ALMS1: variants seen among roughly 807,000 people sequenced by gnomAD.
ALMS1 encodes ALMS1 centrosome and basal body associated protein.
Under a neutral mutation model 352.2 loss-of-function variants are expected in ALMS1, and 271 were observed. The ratio of observed to expected loss-of-function variants is 0.77; its 90% CI spans 0.70 to 0.85. The LOEUF is 0.85. Among genes scored for constraint, ALMS1 ranks in the 40% least tolerant of loss-of-function variants. The pLI is 0.00. For missense variants in ALMS1, 5,445 were observed against 4,870.7 expected (o/e 1.12, Z -3.51); for synonymous variants, 1,865 against 1,761.2 (o/e 1.06, Z -1.48).
chr2:73,568,995 C>CTTTTTTTTTTTTT lies in ALMS1; in HGVS notation c.10385-3242_10385-3230dup, dbSNP rs747436819. 6.0e-4 allele frequency among the ~76,000 whole-genome samples: 32 copies of CTTTTTTTTTTTTT among 53,560 alleles called. 10 individuals are homozygous for CTTTTTTTTTTTTT. Among genetic ancestry groups the CTTTTTTTTTTTTT allele is most frequent in the Admixed American group, 1.0e-3 (4 of 3,884 alleles). 35.1% of individuals were successfully genotyped at this position (53,560 alleles called of 152,430 possible). A position where few individuals can be genotyped will look rare whatever the true frequency, so the allele number is the denominator to read the frequency against. ...AGCTTGCTTGCTGCTGCTTCTGCTT[C>CTTTTTTTTTTTTT]TTTTTTTTTTTTTTTTTTTTTTTTT... is the stretch of plus-strand genomic sequence containing the variant. On this transcript the variant is annotated intron_variant, in intron 15 of 22. Transcript: ENST00000613296.
intron 13 of ALMS1, among the ~76,000 whole-genome samples, chr2:73,550,791 A>G (rs1674413631): frequency 6.6e-6 from 1 of 152,160 alleles, no homozygotes; most frequent in Non-Finnish European, 1.5e-5. Context: ...ATTACAAAGT[A>G]ATGTCTTATA....
intron 1 of ALMS1, among the ~76,000 whole-genome samples, chr2:73,399,204 C>T (rs1357083355): frequency 6.6e-6 from 1 of 152,114 alleles, no homozygotes; most frequent in Non-Finnish European, 1.5e-5. Flanking sequence ...AGTTTTATTT[C>T]CTCCTTCCCA....
intron 16 of ALMS1, among the ~76,000 whole-genome samples, chr2:73,595,176 C>T (rs931996643): frequency 6.6e-6 from 1 of 152,186 alleles, no homozygotes; most frequent in African/African-American, 2.4e-5. Flanking sequence ...CCCAGCCCTC[C>T]TTCGCAGAGG....
At chr2:73,608,146 T>A (rs1210942370) in intron 21 of ALMS1, among the ~76,000 whole-genome samples, 2 of 152,226 alleles carry the variant, frequency 1.3e-5, no homozygotes, top group Admixed American at 6.5e-5. Context: ...TATCTTATAT[T>A]GAAACAGTCC....
At chr2:73,440,049 C>G (rs986118007) in intron 7 of ALMS1, among the ~76,000 whole-genome samples, 4 of 152,046 alleles carry the variant, frequency 2.6e-5, no homozygotes, top group Non-Finnish European at 5.9e-5. Flanking sequence ...GGTGCTATCT[C>G]GGCTCACTGC....
chr2:73,603,545 T>C (rs1430363140), intron 21 of ALMS1: 1 of 491,462 alleles, frequency 2.0e-6, no homozygotes, highest in Non-Finnish European at 3.7e-6. Flanking sequence ...CTCCTCTTTA[T>C]TAGAAACCTA....
chr2:73,412,217 C>T (rs1230468992), intron 2 of ALMS1, among the ~76,000 whole-genome samples: 1 of 152,220 alleles, frequency 6.6e-6, no homozygotes, highest in Non-Finnish European at 1.5e-5. Flanking sequence ...AAAGGAACGT[C>T]ACAAAAAGTT....
chr2:73,396,846 G>A (rs1012202964), intron 1 of ALMS1, among the ~76,000 whole-genome samples: 4 of 151,786 alleles, frequency 2.6e-5, no homozygotes, highest in Admixed American at 6.6e-5. Context: ...GGGTTTAACC[G>A]TGTTAGACGG....
At chr2:73,434,746 A>G (rs538578918) in intron 7 of ALMS1, among the ~76,000 whole-genome samples, 3 of 152,206 alleles carry the variant, frequency 2.0e-5, no homozygotes, top group East Asian at 3.9e-4. Flanking sequence ...TTTGCTTCAC[A>G]TATTTTGACA....
At chr2:73,593,190 G>GAA (rs1558707633) in intron 16 of ALMS1, among the ~76,000 whole-genome samples, 6 of 129,326 alleles carry the variant, frequency 4.6e-5, no homozygotes, top group Admixed American at 1.5e-4. Flanking sequence ...AATGGATTCA[G>GAA]GAAAAAAAAA....
At chr2:73,595,511 T>A (rs1437051788) in intron 16 of ALMS1, among the ~76,000 whole-genome samples, 2 of 152,260 alleles carry the variant, frequency 1.3e-5, no homozygotes, top group African/African-American at 4.8e-5. Flanking sequence ...TTCCATTTTA[T>A]GGATATACCA....
At chr2:73,444,695 A>G (rs1399199008) in intron 7 of ALMS1, among the ~76,000 whole-genome samples, 1 of 152,190 alleles carries the variant, frequency 6.6e-6, no homozygotes, top group Non-Finnish European at 1.5e-5. Flanking sequence ...TATCAACAGG[A>G]CAACGTTAAT....
chr2:73,514,143 A>G (rs945920007), intron 10 of ALMS1, among the ~76,000 whole-genome samples: 3 of 152,194 alleles, frequency 2.0e-5, no homozygotes, highest in Non-Finnish European at 4.4e-5. Flanking sequence ...TCAATGTCAT[A>G]TGGTTGAATG....
chr2:73,423,424 A>G (rs540876292), intron 4 of ALMS1, among the ~76,000 whole-genome samples: 15 of 152,316 alleles, frequency 9.8e-5, no homozygotes, highest in African/African-American at 3.4e-4. Context: ...GGAGGTGTCA[A>G]TATGAAGTAA....
chr2:73,471,536 TG>T, intron 9 of ALMS1, among the ~76,000 whole-genome samples: 1 of 141,532 alleles, frequency 7.1e-6, no homozygotes, highest in African/African-American at 2.7e-5. Context: ...ACAAATAACC[TG>T]GTTAAAACAT....
intron 10 of ALMS1, among the ~76,000 whole-genome samples, chr2:73,501,432 G>A (rs1673216676): frequency 6.6e-6 from 1 of 151,978 alleles, no homozygotes; most frequent in Non-Finnish European, 1.5e-5. Context: ...ATGTAGAAAT[G>A]TTATGGTCTT....
chr2:73,484,800 C>G (rs1169530747), intron 9 of ALMS1, among the ~76,000 whole-genome samples: 1 of 152,144 alleles, frequency 6.6e-6, no homozygotes, highest in Non-Finnish European at 1.5e-5. Flanking sequence ...CTCTAAACTT[C>G]CCTTCTCGCT....
At chr2:73,461,151 C>T (rs554483079) in intron 9 of ALMS1, among the ~76,000 whole-genome samples, 17 of 152,342 alleles carry the variant, frequency 1.1e-4, no homozygotes, top group Admixed American at 3.9e-4. Flanking sequence ...TCAAGTGGGT[C>T]CCTGACCCCC....
At chr2:73,598,459 G>A (rs1437152315) in intron 16 of ALMS1, among the ~76,000 whole-genome samples, 1 of 152,140 alleles carries the variant, frequency 6.6e-6, no homozygotes, top group Admixed American at 6.5e-5. Flanking sequence ...GAAAATCAAA[G>A]TATTTCCTTT....
Sources: gnomAD v4.1 joint callset for allele counts (sites outside exome capture counted in the v4.1 genomes callset) on GRCh38, gnomAD v4.1.1 for gene constraint, MANE v1.5 for transcripts, NCBI Gene and HGNC (gene_info 2026-07-23, HGNC 2026-07-21) for gene names.